LARGE1: variants seen among roughly 807,000 people sequenced by gnomAD.
LARGE1 encodes the protein LARGE xylosyl- and glucuronyltransferase 1.
LARGE1 carries 43 observed loss-of-function variants against 87.6 expected under a neutral mutation model. The ratio of observed to expected loss-of-function variants is 0.49; its 90% CI spans 0.38 to 0.63. The LOEUF is 0.63. Among genes scored for constraint, LARGE1 ranks in the 30% least tolerant of loss-of-function variants. The pLI is 0.00. For missense variants in LARGE1, 802 were observed against 1,000.2 expected (o/e 0.80, Z 2.67); for synonymous variants, 434 against 394.6 (o/e 1.10, Z -1.18).
the LARGE1 span, among the ~76,000 whole-genome samples, chr22:33,094,392 C>T: frequency 3.3e-5 from 5 of 152,074 alleles, no homozygotes; most frequent in Non-Finnish European, 7.4e-5. Context: ...CTCCTCTCAA[C>T]AGCTCCCCTG....
chr22:33,106,503 T>C, the LARGE1 span, among the ~76,000 whole-genome samples: 2 of 152,136 alleles, frequency 1.3e-5, no homozygotes, highest in Non-Finnish European at 2.9e-5. Context: ...CTTTTTTTTT[T>C]TTCTTTTTTT....
Position 33,750,340 on chromosome 22 carries a change from G to A in LARGE1, c.106+11031C>T, listed in dbSNP as rs529352351. 8.3e-4 allele frequency among the ~76,000 whole-genome samples: 126 copies of A among 152,184 alleles called. No individual in the cohort carries two copies. The Middle Eastern group carries it at 0.027, about 33-fold the overall frequency. On this transcript the variant is annotated intron_variant, in intron 2 of 14. Coordinates refer to ENST00000397394, the MANE Select transcript of LARGE1 (RefSeq NM_133642.5). ...TGCAGATCTTTTCACTTTTTTTAGG[G>A]AAAGCCAAAAATCATGACTTCTTAT...
At position 33,305,690 on chromosome 22, in the gene LARGE1, T is replaced by C. The variant is rs899185943; in HGVS notation, c.1452-1183A>G. On this transcript the variant is annotated intron_variant, in intron 11 of 14. Coordinates refer to ENST00000397394, the MANE Select transcript of LARGE1 (RefSeq NM_133642.5). ...GGCCTTTTTGATGACTTCCAGAGTT[T>C]TCTCTCAGTAATTCTGTTAAGTGGC... 8.6e-5 allele frequency: 59 copies of C among 682,758 alleles called. No individual in the cohort carries two copies. The South Asian group carries it at 3.7e-3, about 43-fold the overall frequency. 42.3% of individuals were successfully genotyped at this position (682,758 alleles called of 1,614,324 possible). A position where few individuals can be genotyped will look rare whatever the true frequency, so the allele number is the denominator to read the frequency against.
chr22:33,593,151 T>TA (rs2078889953), intron 5 of LARGE1, among the ~76,000 whole-genome samples: 1 of 140,874 alleles, frequency 7.1e-6, no homozygotes, highest in Non-Finnish European at 1.6e-5. Flanking sequence ...TTTTCTGTTT[T>TA]TAAAATTTTT....
chr22:33,145,602 C>T, the LARGE1 span, among the ~76,000 whole-genome samples: 4 of 152,226 alleles, frequency 2.6e-5, no homozygotes, highest in East Asian at 5.8e-4. Context: ...CTGGACAAAG[C>T]GGAGTCTGAA....
chr22:33,531,718 C>T (rs2072211125), intron 6 of LARGE1, among the ~76,000 whole-genome samples: 1 of 152,198 alleles, frequency 6.6e-6, no homozygotes, highest in South Asian at 2.1e-4. Flanking sequence ...AGGGAAACCG[C>T]CCAGGAGGCT....
intron 6 of LARGE1, among the ~76,000 whole-genome samples, chr22:33,460,971 AG>A (rs1049886964): frequency 2.0e-5 from 3 of 152,046 alleles, no homozygotes; most frequent in African/African-American, 7.2e-5. Flanking sequence ...GCCTGGCAGA[AG>A]CAAATACAAA....
At chr22:33,409,510 G>A (rs776546114) in intron 7 of LARGE1, among the ~76,000 whole-genome samples, 1 of 152,202 alleles carries the variant, frequency 6.6e-6, no homozygotes, top group Non-Finnish European at 1.5e-5. Flanking sequence ...TTACTTGACA[G>A]TCAGCAGTCT....
chr22:33,843,440 A>AAAAAAAATAAATAAAT (rs71320994), intron 1 of LARGE1, among the ~76,000 whole-genome samples: 2 of 146,624 alleles, frequency 1.4e-5, no homozygotes, highest in African/African-American at 2.6e-5. Flanking sequence ...CCCTCTCAAA[A>AAAAAAAATAAATAAAT]AAATAAATAA....
chr22:33,908,564 T>C (rs867088776), intron 1 of LARGE1, among the ~76,000 whole-genome samples: 21 of 135,242 alleles, frequency 1.6e-4, no homozygotes, highest in African/African-American at 4.7e-4. Flanking sequence ...GGGTGGGGGG[T>C]GAGACTGCAG....
At chr22:33,364,438 C>A (rs987134068) in intron 9 of LARGE1, among the ~76,000 whole-genome samples, 6 of 152,178 alleles carry the variant, frequency 3.9e-5, no homozygotes, top group Non-Finnish European at 8.8e-5. Flanking sequence ...CTCCTAATTG[C>A]TGTTTTTTAT....
At chr22:33,389,112 T>C (rs1254018626) in intron 7 of LARGE1, among the ~76,000 whole-genome samples, 4 of 152,146 alleles carry the variant, frequency 2.6e-5, no homozygotes, top group Non-Finnish European at 5.9e-5. Flanking sequence ...GGAAACACCA[T>C]GGACAAAGGC....
intron 6 of LARGE1, among the ~76,000 whole-genome samples, chr22:33,519,998 C>CTTT (rs397868082): frequency 1.2e-3 from 112 of 97,184 alleles, no homozygotes; most frequent in African/African-American, 2.9e-3. Flanking sequence ...TGGTTTTTCT[C>CTTT]TTTTTTTTTT....
rs192402910 is a variant in LARGE1 at position 33,536,326 on chromosome 22, T to C, written c.787+28522A>G. On this transcript the variant is annotated intron_variant, in intron 6 of 14. Coordinates refer to ENST00000397394, the MANE Select transcript of LARGE1 (RefSeq NM_133642.5). ...ATGAAGATTACTGTGGTGGTCACAT[T>C]GGCCTCCCTTCCTGTAATCTCTCTC... 2.7e-3 allele frequency among the ~76,000 whole-genome samples: 407 copies of C among 152,364 alleles called. 1 individual carries two copies. The highest frequency in any genetic ancestry group is 9.4e-3 in the African/African-American group (391 of 41,582).
At chr22:33,072,026 C>A in the LARGE1 span, among the ~76,000 whole-genome samples, 1 of 152,040 alleles carries the variant, frequency 6.6e-6, no homozygotes, top group African/African-American at 2.4e-5. Flanking sequence ...TAGCCCAAAC[C>A]CTGATGGGAA....
At chr22:33,813,584 T>A (rs1378502360) in intron 1 of LARGE1, among the ~76,000 whole-genome samples, 4 of 152,092 alleles carry the variant, frequency 2.6e-5, no homozygotes, top group African/African-American at 4.8e-5. Flanking sequence ...GACACAACCA[T>A]TGAGGAACAA....
chr22:33,769,382 T>C (rs1183278570), intron 1 of LARGE1, among the ~76,000 whole-genome samples: 1 of 152,210 alleles, frequency 6.6e-6, no homozygotes, highest in African/African-American at 2.4e-5. Flanking sequence ...CTATCTCCCC[T>C]ATCAGACCAT....
chr22:33,273,507 A>G lies in LARGE1; in HGVS notation c.*920T>C, dbSNP rs1309064648. 1 of 398,744 alleles carries G rather than the reference A, an allele frequency of 2.5e-6. No homozygotes were observed. Among genetic ancestry groups the G allele is most frequent in the East Asian group, 3.6e-5 (1 of 28,084 alleles). The allele number at this position is 398,744 out of a possible 1,614,324, so 24.7% of individuals were successfully genotyped here. A position where few individuals can be genotyped will look rare whatever the true frequency, so the allele number is the denominator to read the frequency against. On this transcript the variant is annotated 3_prime_UTR_variant, in exon 15 of 15. Transcript: ENST00000397394. ...AGTTCCTTCAAAGCCCTTTCCCATGAATCAGTCACTGCCAATAGAAAATGT... is the reference window on the plus strand; with the variant it reads ...AGTTCCTTCAAAGCCCTTTCCCATGGATCAGTCACTGCCAATAGAAAATGT...
At chr22:33,189,184 G>A (rs137410) in intron 11 of LARGE1, among the ~76,000 whole-genome samples, 3 of 151,938 alleles carry the variant, frequency 2.0e-5, no homozygotes, top group African/African-American at 7.3e-5. Context: ...TACAGTAGCC[G>A]TTGGTGTGCC....
Sources: allele counts gnomAD v4.1 joint callset (sites outside exome capture counted in the v4.1 genomes callset), GRCh38; gene constraint gnomAD v4.1.1; transcripts MANE v1.5; gene names NCBI Gene and HGNC (gene_info 2026-07-23, HGNC 2026-07-21).